Variants in EXT1 observed in about 807,000 individuals in gnomAD.
EXT1 encodes exostosin-1.
A neutral mutation model predicts 82.5 loss-of-function variants in EXT1; 20 were observed. The observed-to-expected ratio is 0.24, with a 90% CI of 0.17 to 0.35. EXT1 has a LOEUF of 0.35. Among genes scored for constraint, EXT1 ranks in the 10% least tolerant of loss-of-function variants. The pLI, the probability that EXT1 is intolerant of heterozygous loss-of-function variation, is 1.00. For synonymous variants in EXT1, 348 were observed against 350.8 expected, an observed-to-expected ratio of 0.99 and a Z score of 0.09; for missense variants, 757 against 936.5, an observed-to-expected ratio of 0.81 and a Z score of 2.50.
At chr8:118,099,872 C>G (rs1173779485) in intron 1 of EXT1, among the ~76,000 whole-genome samples, 1 of 152,186 alleles carries the variant, frequency 6.6e-6, no homozygotes, top group African/African-American at 2.4e-5. Context: ...TGCATGCCAA[C>G]AGGATATGGC....
chr8:118,066,368 A>C (rs974038000), intron 1 of EXT1, among the ~76,000 whole-genome samples: 1 of 147,378 alleles, frequency 6.8e-6, no homozygotes, highest in African/African-American at 2.6e-5. Context: ...TTATTTATTT[A>C]TTTATTTATT....
intron 1 of EXT1, among the ~76,000 whole-genome samples, chr8:117,968,785 G>A (rs1305149313): frequency 1.5e-5 from 1 of 66,138 alleles, no homozygotes; most frequent in Non-Finnish European, 2.5e-5. Flanking sequence ...TAGCCAGGAT[G>A]GTCTCGATCT....
At chr8:117,814,378 A>G (rs1811757863) in intron 7 of EXT1, among the ~76,000 whole-genome samples, 1 of 152,120 alleles carries the variant, frequency 6.6e-6, no homozygotes, top group African/African-American at 2.4e-5. Context: ...AACTAACCAT[A>G]AGAATGCTGA....
In EXT1 at chr8:118,110,096, G is replaced by A. The variant is rs1228285707; in HGVS notation, c.951C>T (p.Thr317=). 3 of 1,614,090 alleles carry A rather than the reference G, an allele frequency of 1.9e-6. No individual in the cohort carries two copies. The highest frequency in any genetic ancestry group is 2.2e-5 in the East Asian group (1 of 44,866). Reference sequence around the variant, plus strand: ...GCCCAGACACTTACTTCTCATACTCGGTGTTGTCTCTGTCACAGCGAGAAT... The same window carrying A: ...GCCCAGACACTTACTTCTCATACTCAGTGTTGTCTCTGTCACAGCGAGAAT... ...HKDSRCDRDN[T]EYEKYDYREM... is the part of the protein sequence containing the mutation. The change falls in exon 1 of 11, where the codon ACC becomes ACT. Residue 317 remains threonine, a synonymous_variant. Coordinates refer to ENST00000378204, the MANE Select transcript of EXT1 (RefSeq NM_000127.3).
intron 1 of EXT1, among the ~76,000 whole-genome samples, chr8:117,853,226 T>C (rs920717146): frequency 1.3e-5 from 2 of 152,192 alleles, no homozygotes; most frequent in Admixed American, 6.5e-5. Flanking sequence ...TAGGACTCCA[T>C]GCTGCCTGGA....
At chr8:118,074,443 G>C (rs1302569118) in intron 1 of EXT1, among the ~76,000 whole-genome samples, 1 of 152,200 alleles carries the variant, frequency 6.6e-6, no homozygotes, top group Non-Finnish European at 1.5e-5. Context: ...GTCTGTCCGG[G>C]CTGCTGAGCT....
rs71307408 is a variant in EXT1 at position 117,858,810 on chromosome 8, C to CAGGAAGGAAGGAAGGA, written c.963-21625_963-21610dup. Among the ~76,000 whole-genome samples, 11 of 34,358 alleles carry CAGGAAGGAAGGAAGGA rather than the reference C, an allele frequency of 3.2e-4. 1 individual carries two copies. Among genetic ancestry groups the CAGGAAGGAAGGAAGGA allele is most frequent in the Non-Finnish European group, 5.9e-4 (11 of 18,780 alleles). 22.5% of individuals were successfully genotyped at this position (34,358 alleles called of 152,430 possible). On this transcript the variant is annotated intron_variant, in intron 1 of 10. Coordinates refer to ENST00000378204, the MANE Select transcript of EXT1 (RefSeq NM_000127.3). ...GCAGGCAAGGCAAGGCAAGGCAAGG[C>CAGGAAGGAAGGAAGGA]AGGAAGGAAGGAAGGAAGGAAGGAA...
intron 1 of EXT1, among the ~76,000 whole-genome samples, chr8:117,895,190 G>A (rs1464833228): frequency 2.0e-5 from 3 of 152,084 alleles, no homozygotes; most frequent in South Asian, 2.1e-4. Flanking sequence ...GCTTGGGCTC[G>A]GCTCTAATAG....
intron 1 of EXT1, among the ~76,000 whole-genome samples, chr8:117,843,164 G>A (rs1402416812): frequency 2.6e-5 from 4 of 152,222 alleles, no homozygotes; most frequent in African/African-American, 9.7e-5. Flanking sequence ...TAAAGTGCAT[G>A]GGGATGAGAG....
At chr8:117,815,728 C>T (rs758293265) in intron 7 of EXT1, among the ~76,000 whole-genome samples, 39 of 152,176 alleles carry the variant, frequency 2.6e-4, no homozygotes, top group Non-Finnish European at 4.1e-4. Context: ...TTTGGGAGTT[C>T]GAGACCAGCC....
chr8:118,032,846 C>T (rs2129882706), intron 1 of EXT1, among the ~76,000 whole-genome samples: 1 of 152,204 alleles, frequency 6.6e-6, no homozygotes, highest in Non-Finnish European at 1.5e-5. Flanking sequence ...AAATTTTTAT[C>T]CCCAGGTATA....
intron 1 of EXT1, among the ~76,000 whole-genome samples, chr8:118,010,297 G>A (rs1440803097): frequency 5.3e-5 from 8 of 150,854 alleles, no homozygotes; most frequent in Middle Eastern, 3.2e-3. Context: ...GAGTGATCCC[G>A]GGAGACGGAG....
intron 10 of EXT1, among the ~76,000 whole-genome samples, chr8:117,803,433 G>A (rs1480980982): frequency 1.3e-5 from 2 of 152,238 alleles, no homozygotes; most frequent in South Asian, 4.1e-4. Context: ...CTGGCCTCAA[G>A]TGATCTGCCT....
intron 1 of EXT1, among the ~76,000 whole-genome samples, chr8:118,057,984 A>AG (rs995395773): frequency 6.6e-6 from 1 of 151,916 alleles, no homozygotes; most frequent in African/African-American, 2.4e-5. Context: ...AGAAAAAAAA[A>AG]AAAAAAAAGG....
intron 1 of EXT1, among the ~76,000 whole-genome samples, chr8:117,950,205 G>A (rs1379478481): frequency 2.0e-5 from 3 of 152,056 alleles, no homozygotes; most frequent in East Asian, 3.9e-4. Flanking sequence ...GGCACCCCTC[G>A]ACTATAGCTT....
chr8:117,884,540 A>C (rs1377032611), intron 1 of EXT1, among the ~76,000 whole-genome samples: 2 of 152,228 alleles, frequency 1.3e-5, no homozygotes, highest in Non-Finnish European at 2.9e-5. Context: ...AAACACGCAC[A>C]GCAAATGCAC....
chr8:117,875,701 C>T (rs967386722), intron 1 of EXT1, among the ~76,000 whole-genome samples: 4 of 151,902 alleles, frequency 2.6e-5, no homozygotes, highest in African/African-American at 9.7e-5. Context: ...TTGCCAAGTA[C>T]CATCTTTGGG....
At chr8:117,883,497 A>C (rs1813096596) in intron 1 of EXT1, among the ~76,000 whole-genome samples, 1 of 152,250 alleles carries the variant, frequency 6.6e-6, no homozygotes, top group Admixed American at 6.5e-5. Context: ...CAAAATCATC[A>C]CAGCTATGAA....
intron 1 of EXT1, among the ~76,000 whole-genome samples, chr8:118,067,853 G>C (rs1478917233): frequency 1.3e-5 from 2 of 152,144 alleles, no homozygotes; most frequent in Non-Finnish European, 2.9e-5. Flanking sequence ...GCTTTGCAGG[G>C]CTGGATCAAC....
Sources: allele counts gnomAD v4.1 joint callset (sites outside exome capture counted in the v4.1 genomes callset), GRCh38; gene constraint gnomAD v4.1.1; transcripts MANE v1.5; gene names NCBI Gene and HGNC (gene_info 2026-07-23, HGNC 2026-07-21).